The following TMEM132C variants were observed in gnomAD, a reference collection of about 807,000 sequenced individuals.
TMEM132C encodes the protein transmembrane protein 132C.
A neutral mutation model predicts 61.4 loss-of-function variants in TMEM132C; 29 were observed. The ratio of observed to expected loss-of-function variants is 0.47; its 90% CI spans 0.35 to 0.64. TMEM132C has a LOEUF of 0.64. Ranked by LOEUF, TMEM132C falls within the 30% of genes least tolerant of loss-of-function variation. TMEM132C has a pLI of 0.00. For synonymous variants in TMEM132C, 656 were observed against 633.1 expected, an observed-to-expected ratio of 1.04 and a Z score of -0.54; for missense variants, 1,408 against 1,476.9, an observed-to-expected ratio of 0.95 and a Z score of 0.76.
chr12:128,448,445 C>T lies in TMEM132C; in HGVS notation c.974+32825C>T, dbSNP rs7974483. ...CTGCTTATAGGGGTCGACTGGCTAT[C>T]ATCTGGGATGATGGGGGCCTCAGGG... On this transcript the variant is annotated intron_variant, in intron 2 of 8. Transcript: ENST00000435159. 6.9e-3 allele frequency among the ~76,000 whole-genome samples: 1,051 copies of T among 152,306 alleles called. 12 individuals are homozygous for T. The highest frequency in any genetic ancestry group is 0.025 in the African/African-American group (1,019 of 41,562).
chr12:128,655,223 T>C (rs1954313360), intron 4 of TMEM132C, among the ~76,000 whole-genome samples: 1 of 152,094 alleles, frequency 6.6e-6, no homozygotes, highest in South Asian at 2.1e-4. Context: ...CAGGGTTCTC[T>C]TTTCTCCCCT....
intron 2 of TMEM132C, among the ~76,000 whole-genome samples, chr12:128,504,682 A>C (rs1404726537): frequency 2.6e-5 from 4 of 151,940 alleles, no homozygotes; most frequent in Non-Finnish European, 5.9e-5. Context: ...TCCCTCTTCT[A>C]ATAAGTACGC....
At chr12:128,281,650 C>T (rs994103348) in intron 1 of TMEM132C, among the ~76,000 whole-genome samples, 1 of 152,124 alleles carries the variant, frequency 6.6e-6, no homozygotes, top group Non-Finnish European at 1.5e-5. Context: ...CTGCTGGATT[C>T]CATGGGGGGC....
In TMEM132C at chr12:128,347,397, G is replaced by GTCTCTCTCTCTCTCTC. The variant is rs55729184; in HGVS notation, c.86-67308_86-67293dup. On this transcript the variant is annotated intron_variant, in intron 1 of 8. Coordinates refer to ENST00000435159, the MANE Select transcript of TMEM132C (RefSeq NM_001136103.3). ...TGCTGCCATAAGCATGCATATGTAT[G>GTCTCTCTCTCTCTCTC]TCTCTCTCTCTCTCTCTCTCTCTCT... Among the ~76,000 whole-genome samples the GTCTCTCTCTCTCTCTC allele has an allele frequency of 2.3e-3, 310 of 135,494 alleles. 6 individuals carry two copies. Among genetic ancestry groups the GTCTCTCTCTCTCTCTC allele is most frequent in the Middle Eastern group, 7.4e-3 (2 of 270 alleles). 88.9% of individuals were successfully genotyped at this position (135,494 alleles called of 152,430 possible).
chr12:128,592,747 G>A (rs910064104), intron 3 of TMEM132C, among the ~76,000 whole-genome samples: 4 of 152,224 alleles, frequency 2.6e-5, no homozygotes, highest in African/African-American at 7.2e-5. Flanking sequence ...CCCCCATAGC[G>A]AGGACCCCCA....
At chr12:128,294,335 A>G (rs1161651334) in intron 1 of TMEM132C, among the ~76,000 whole-genome samples, 1 of 152,178 alleles carries the variant, frequency 6.6e-6, no homozygotes, top group Non-Finnish European at 1.5e-5. Flanking sequence ...GAAACCAGCC[A>G]ACAATGCTCA....
Position 128,706,345 on chromosome 12 carries a change from C to A in TMEM132C, c.*50C>A. 6.9e-7 allele frequency: 1 copy of A among 1,457,758 alleles called. No individual in the cohort carries two copies. The highest frequency in any genetic ancestry group is 9.0e-7 in the Non-Finnish European group (1 of 1,106,806). The allele number at this position is 1,457,758 out of a possible 1,614,324, so 90.3% of individuals were successfully genotyped here. On this transcript the variant is annotated 3_prime_UTR_variant, in exon 9 of 9. Transcript: ENST00000435159. ...CCAGATGCCTTCCTTGTACTGGAAA[C>A]TGGCCCAAGTGGGGCAGAAGGCGTT...
At position 128,463,306 on chromosome 12, in the gene TMEM132C, A is replaced by G. The variant is rs574899197; in HGVS notation, c.974+47686A>G. ...ATGGCAGGGATGGTGGTTTACCAAA[A>G]ACTCATGCTTCTCTTTTCTTTTTCT... On this transcript the variant is annotated intron_variant, in intron 2 of 8. Transcript: ENST00000435159. Among the ~76,000 whole-genome samples, 12 of 151,840 alleles carry G rather than the reference A, an allele frequency of 7.9e-5. No homozygotes were observed. In the East Asian group the frequency reaches 1.7e-3, roughly 22 times the overall value.
At chr12:128,422,644 C>T (rs548213142) in intron 2 of TMEM132C, among the ~76,000 whole-genome samples, 8 of 152,304 alleles carry the variant, frequency 5.3e-5, no homozygotes, top group East Asian at 3.9e-4. Context: ...CATGTCTCAA[C>T]GCAGTGAAGA....
chr12:128,418,135 C>G (rs978913881), intron 2 of TMEM132C, among the ~76,000 whole-genome samples: 2 of 152,070 alleles, frequency 1.3e-5, no homozygotes, highest in Non-Finnish European at 2.9e-5. Flanking sequence ...ATTTTAAATT[C>G]GAAGCAAATT....
At chr12:128,283,796 C>A (rs1007153881) in intron 1 of TMEM132C, among the ~76,000 whole-genome samples, 3 of 152,072 alleles carry the variant, frequency 2.0e-5, no homozygotes, top group African/African-American at 7.2e-5. Flanking sequence ...CCCCTGCCTT[C>A]CCCATCTCAG....
intron 4 of TMEM132C, among the ~76,000 whole-genome samples, chr12:128,653,218 G>T (rs951951605): frequency 2.7e-5 from 4 of 150,380 alleles, no homozygotes; most frequent in African/African-American, 9.7e-5. Flanking sequence ...TCCAGAATAG[G>T]TAAGTCCATA....
At chr12:128,378,780 A>G (rs973199871) in intron 1 of TMEM132C, among the ~76,000 whole-genome samples, 3 of 152,062 alleles carry the variant, frequency 2.0e-5, no homozygotes, top group African/African-American at 7.2e-5. Flanking sequence ...CCCAAATCTC[A>G]TCTTGAATTA....
intron 4 of TMEM132C, among the ~76,000 whole-genome samples, chr12:128,646,805 G>A (rs1008425753): frequency 2.0e-5 from 3 of 152,208 alleles, no homozygotes; most frequent in African/African-American, 7.2e-5. Context: ...TTGGATGAGT[G>A]TGTTTACTGG....
rs572376074 is a variant in TMEM132C at position 128,572,507 on chromosome 12, GTGGCCTCTGC to G, written c.1121+28414_1121+28423del. 2.6e-5 allele frequency among the ~76,000 whole-genome samples: 4 copies of G among 151,590 alleles called. No homozygotes were observed. In the East Asian group the frequency reaches 5.9e-4, roughly 22 times the overall value. Reference sequence around the variant, plus strand: ...GCTGGGCCTGCGTCACATGGCCACTGTGGCCTCTGCTGGCCTCTGATTGGCCGGGCCTGGG... The same window carrying G: ...GCTGGGCCTGCGTCACATGGCCACTGTGGCCTCTGATTGGCCGGGCCTGGG... On this transcript the variant is annotated intron_variant, in intron 3 of 8. Coordinates refer to ENST00000435159, the MANE Select transcript of TMEM132C (RefSeq NM_001136103.3).
chr12:128,633,207 C>T (rs1028319042), intron 4 of TMEM132C, among the ~76,000 whole-genome samples: 1 of 152,118 alleles, frequency 6.6e-6, no homozygotes, highest in Non-Finnish European at 1.5e-5. Flanking sequence ...GTGGCTGGCT[C>T]CCCCCAGAGA....
chr12:128,267,467 T>C lies in TMEM132C; in HGVS notation c.65T>C (p.Leu22Pro). The change falls in exon 1 of 9, where the codon CTG becomes CCG. Residue 22 changes from leucine (L) to proline (P), a missense_variant. Coordinates refer to ENST00000435159, the MANE Select transcript of TMEM132C (RefSeq NM_001136103.3). ...APLCGALSLL[L>P]GALLGKVIEG... ...CTGTGCGGGGCGCTGAGCCTGCTGCTGGGCGCGCTGCTGGGCAAAGGTAAG... is the reference window on the plus strand; with the variant it reads ...CTGTGCGGGGCGCTGAGCCTGCTGCCGGGCGCGCTGCTGGGCAAAGGTAAG... The C allele has an allele frequency of 1.6e-6, 2 of 1,269,550 alleles. No individual in the cohort carries two copies. The highest frequency in any genetic ancestry group is 2.0e-6 in the Non-Finnish European group (2 of 1,009,826). The allele number at this position is 1,269,550 out of a possible 1,614,324, so 78.6% of individuals were successfully genotyped here.
chr12:128,488,803 A>G (rs1871598507), intron 2 of TMEM132C, among the ~76,000 whole-genome samples: 1 of 152,112 alleles, frequency 6.6e-6, no homozygotes, highest in Admixed American at 6.5e-5. Flanking sequence ...CTAGGATGCA[A>G]AGGGCTCTTA....
At chr12:128,383,031 T>C (rs1260590489) in intron 1 of TMEM132C, among the ~76,000 whole-genome samples, 1 of 152,088 alleles carries the variant, frequency 6.6e-6, no homozygotes, top group African/African-American at 2.4e-5. Flanking sequence ...TGTGTATGCA[T>C]GTCTGTGTGT....
Sources: allele counts gnomAD v4.1 joint callset (sites outside exome capture counted in the v4.1 genomes callset), GRCh38; gene constraint gnomAD v4.1.1; transcripts MANE v1.5; gene names NCBI Gene and HGNC (gene_info 2026-07-23, HGNC 2026-07-21).